The following PIK3CD variants were observed in gnomAD, a reference collection of about 807,000 sequenced individuals.
The protein encoded by PIK3CD is phosphatidylinositol 4,5-bisphosphate 3-kinase catalytic subunit delta isoform.
In PIK3CD, 20 loss-of-function variants were observed where a neutral mutation model predicts 122.9. The ratio of observed to expected loss-of-function variants is 0.16; its 90% CI spans 0.11 to 0.24. PIK3CD has a LOEUF of 0.24. PIK3CD is among the 10% of genes least tolerant of loss of function. PIK3CD has a pLI of 1.00. For synonymous variants in PIK3CD, 596 were observed against 593.4 expected (o/e 1.00, Z -0.06); for missense variants, 787 against 1,406.3 (o/e 0.56, Z 7.04).
In PIK3CD at chr1:9,726,816, T is replaced by TCATTCAGTGACTCTG. The variant is rs1649718753; in HGVS notation, c.2998-92_2998-78dup. 6 of 1,503,700 alleles carry TCATTCAGTGACTCTG rather than the reference T, an allele frequency of 4.0e-6. No homozygotes were observed. In the East Asian group the frequency reaches 1.4e-4, roughly 34 times the overall value. The allele number at this position is 1,503,700 out of a possible 1,614,324, so 93.1% of individuals were successfully genotyped here. On this transcript the variant is annotated intron_variant, in intron 23 of 23. Transcript: ENST00000377346. Reference sequence around the variant, plus strand: ...TGCTGGGAGCTCTCTACTAACCATTTCATTCAGTGACTCTGAAGTCCCCAG... The same window carrying TCATTCAGTGACTCTG: ...TGCTGGGAGCTCTCTACTAACCATTTCATTCAGTGACTCTGCATTCAGTGACTCTGAAGTCCCCAG...
Position 9,720,057 on chromosome 1 carries a change from AGGGTC to A in PIK3CD, c.1339+41_1339+45del. On this transcript the variant is annotated intron_variant, in intron 10 of 23. Coordinates refer to ENST00000377346, the MANE Select transcript of PIK3CD (RefSeq NM_005026.5). This position sits in a 1 kb window ranked among gnomAD's most constrained non-coding sequence, Gnocchi z 9.0. ...AGGAGGGAGAGGCGTTGGGAGTGTG[AGGGTC>A]CCAGAGATGCTGGTCACCCCTCTAC... 6.2e-7 allele frequency: 1 copy of A among 1,613,354 alleles called. No individual in the cohort carries two copies. Among genetic ancestry groups the A allele is most frequent in the Non-Finnish European group, 8.5e-7 (1 of 1,179,946 alleles).
the PIK3CD span, among the ~76,000 whole-genome samples, chr1:9,639,062 C>T: frequency 6.6e-6 from 1 of 152,080 alleles, no homozygotes; most frequent in African/African-American, 2.4e-5. Flanking sequence ...CCATCGCCTC[C>T]GGCCTGGGAT....
the PIK3CD span, among the ~76,000 whole-genome samples, chr1:9,639,904 G>T: frequency 6.6e-5 from 10 of 151,848 alleles, no homozygotes; most frequent in African/African-American, 2.4e-4. Context: ...TAATTTTTTT[G>T]AATTTGTTTT....
chr1:9,673,414 G>A (rs1645398924), intron 1 of PIK3CD, among the ~76,000 whole-genome samples: 1 of 151,788 alleles, frequency 6.6e-6, no homozygotes, highest in African/African-American at 2.4e-5. Context: ...CGTGCACAAC[G>A]CCACATCTGG....
chr1:9,640,543 T>G, the PIK3CD span, among the ~76,000 whole-genome samples: 2 of 151,530 alleles, frequency 1.3e-5, no homozygotes, highest in African/African-American at 2.4e-5. Flanking sequence ...TGTGCCATTG[T>G]ACTCCAGCCT....
rs776352164 is a variant in PIK3CD, at chr1:9,721,803, C to T, written c.1998C>T (p.Leu666=). ...HVPSVALRFG[L]ILEAYCRGST... ...CGTCGGTGGCCCTGCGCTTCGGCCTCATCCTGGAGGCCTACTGCAGGGGCA... is the reference window on the plus strand; with the variant it reads ...CGTCGGTGGCCCTGCGCTTCGGCCTTATCCTGGAGGCCTACTGCAGGGGCA... The change falls in exon 16 of 24, where the codon CTC becomes CTT. Residue 666 remains leucine (L), a synonymous_variant. Coordinates refer to ENST00000377346, the MANE Select transcript of PIK3CD (RefSeq NM_005026.5). 4 of 1,613,136 alleles carry T rather than the reference C, an allele frequency of 2.5e-6. No homozygotes were observed. In the African/African-American group the frequency reaches 4.0e-5, roughly 16 times the overall value.
At chr1:9,712,057 C>T (rs939090313) in intron 3 of PIK3CD, among the ~76,000 whole-genome samples, 10 of 151,920 alleles carry the variant, frequency 6.6e-5, no homozygotes, top group South Asian at 2.1e-4. Flanking sequence ...CCACCACGCC[C>T]GGCTAATTTT....
chr1:9,654,854 G>A (rs986598576), intron 1 of PIK3CD, among the ~76,000 whole-genome samples: 3 of 151,792 alleles, frequency 2.0e-5, no homozygotes, highest in Non-Finnish European at 2.9e-5. Flanking sequence ...GAGGTCAGGA[G>A]TTCAAGACCA....
At chr1:9,684,941 C>T (rs1645912740) in intron 1 of PIK3CD, among the ~76,000 whole-genome samples, 1 of 151,362 alleles carries the variant, frequency 6.6e-6, no homozygotes, top group Non-Finnish European at 1.5e-5. Flanking sequence ...CCCAACCCCT[C>T]AACTCCTGCC....
At position 9,720,257 on chromosome 1, in the gene PIK3CD, C is replaced by T. The variant is rs375880685; in HGVS notation, c.1470+15C>T. The T allele has an allele frequency of 2.2e-4, 351 of 1,598,736 alleles. 2 individuals carry two copies. The South Asian group carries it at 3.4e-3, about 15-fold the overall frequency. The stretch of plus-strand genomic sequence containing the variant: ...CCCTGGAGAAGGTCAGTGGGGGCCC[C>T]GCCGCGTGAGGCTGAGGGGCTGGCG... On this transcript the variant is annotated intron_variant, in intron 11 of 23. Coordinates refer to ENST00000377346, the MANE Select transcript of PIK3CD (RefSeq NM_005026.5). This position sits in a 1 kb window ranked among gnomAD's most constrained non-coding sequence, Gnocchi z 9.0.
chr1:9,706,289 G>A (rs1369065601), intron 2 of PIK3CD, among the ~76,000 whole-genome samples: 2 of 149,780 alleles, frequency 1.3e-5, no homozygotes, highest in Non-Finnish European at 1.5e-5. Context: ...CCAGGAGTTC[G>A]AGACCAACCT....
intron 1 of PIK3CD, among the ~76,000 whole-genome samples, chr1:9,686,365 CTTTT>C (rs59087456): frequency 1.5e-5 from 2 of 137,692 alleles, no homozygotes; most frequent in African/African-American, 2.7e-5. Context: ...GGCTAATTTT[CTTTT>C]TTTTTTTTTT....
chr1:9,660,728 C>T (rs962055827), intron 1 of PIK3CD: 2 of 152,272 alleles, frequency 1.3e-5, no homozygotes, highest in African/African-American at 4.8e-5. Flanking sequence ...CCTTTGTCTC[C>T]CCACTTCAGA....
Position 9,712,998 on chromosome 1 carries a change from A to C in PIK3CD, c.141+2402A>C, listed in dbSNP as rs535961858. Among the ~76,000 whole-genome samples, 3 of 152,292 alleles carry C rather than the reference A, an allele frequency of 2.0e-5. No individual in the cohort carries two copies. In the South Asian group the frequency reaches 6.2e-4, roughly 32 times the overall value. ...GGAGTTTGAGACCAGCCTGGCCAAC[A>C]AGGTGAATCCCCATCTCTACTGAAA... On this transcript the variant is annotated intron_variant, in intron 3 of 23. Transcript: ENST00000377346.
intron 1 of PIK3CD, chr1:9,653,621 C>T: frequency 2.4e-6 from 1 of 425,200 alleles, no homozygotes; most frequent in Admixed American, 3.1e-5. Context: ...CTGTTCACAC[C>T]CCCTCCCCAA....
At chr1:9,676,886 C>G (rs568234054) in intron 1 of PIK3CD, among the ~76,000 whole-genome samples, 1 of 152,288 alleles carries the variant, frequency 6.6e-6, no homozygotes, top group African/African-American at 2.4e-5. Flanking sequence ...GAGTCTGAAC[C>G]GATCCCAGAG....
At chr1:9,696,423 C>T (rs1050953742) in intron 2 of PIK3CD, among the ~76,000 whole-genome samples, 2 of 151,420 alleles carry the variant, frequency 1.3e-5, no homozygotes, top group Admixed American at 1.3e-4. Flanking sequence ...CCCATCTCTA[C>T]AAGAAATAAT....
At position 9,698,193 on chromosome 1, in the gene PIK3CD, T is replaced by A. The variant is rs189635525; in HGVS notation, c.-33+6622T>A. ...GTTTCGCTCTTGTTGCCCAGGCTGG[T>A]GTGCAATGGCACGATCTCGGCTCAC... On this transcript the variant is annotated intron_variant, in intron 2 of 23. Transcript: ENST00000377346. Among the ~76,000 whole-genome samples the A allele has an allele frequency of 1.5e-4, 23 of 152,304 alleles. No homozygotes were observed. The East Asian group carries it at 3.9e-3, about 26-fold the overall frequency.
At chr1:9,674,901 T>G (rs970107395) in intron 1 of PIK3CD, among the ~76,000 whole-genome samples, 1 of 150,314 alleles carries the variant, frequency 6.7e-6, no homozygotes, top group African/African-American at 2.4e-5. Context: ...GGTATGATGA[T>G]GCACACCTGT....
Sources: allele counts gnomAD v4.1 joint callset (sites outside exome capture counted in the v4.1 genomes callset), GRCh38; gene constraint gnomAD v4.1.1; non-coding constraint Gnocchi (gnomAD v3.1); transcripts MANE v1.5; gene names NCBI Gene and HGNC (gene_info 2026-07-23, HGNC 2026-07-21).